RORB: variants seen among roughly 807,000 people sequenced by gnomAD.
RORB encodes nuclear receptor ROR-beta.
In RORB, 6 loss-of-function variants were observed where a neutral mutation model predicts 59.1. The ratio of observed to expected loss-of-function variants is 0.10; its 90% CI spans 0.06 to 0.20. The LOEUF (loss-of-function observed/expected upper bound fraction) is 0.20. RORB is among the 10% of genes least tolerant of loss of function. The pLI, the probability that RORB is intolerant of heterozygous loss-of-function variation, is 1.00. For synonymous variants in RORB, 215 were observed against 204.5 expected, an observed-to-expected ratio of 1.05 and a Z score of -0.44; for missense variants, 320 against 560.5, an observed-to-expected ratio of 0.57 and a Z score of 4.33.
chr9:74,667,937 A>G (rs577482639), intron 8 of RORB, 36 bp downstream of exon 8: 1 of 1,343,156 alleles, frequency 7.4e-7, no homozygotes, highest in South Asian at 1.2e-5. Context: ...TTTTTAAAAA[A>G]CTTGTTTTAC....
At position 74,561,215 on chromosome 9, in the gene RORB, G is replaced by C. The variant is rs932296377; in HGVS notation, c.7+63232G>C. 4.8e-4 allele frequency among the ~76,000 whole-genome samples: 73 copies of C among 152,048 alleles called. 3 individuals carry two copies. Among genetic ancestry groups the C allele is most frequent in the Non-Finnish European group, 5.9e-5 (4 of 67,994 alleles). On this transcript the variant is annotated intron_variant, in intron 1 of 9. Coordinates refer to ENST00000376896, the MANE Select transcript of RORB (RefSeq NM_006914.4). ...GTCTCTCCCCGAGATGTGAGGAATAGACTATTTCAGCTCATTAAATAATCA... is the reference window on the plus strand; with the variant it reads ...GTCTCTCCCCGAGATGTGAGGAATACACTATTTCAGCTCATTAAATAATCA...
intron 4 of RORB, among the ~76,000 whole-genome samples, chr9:74,649,720 C>T (rs1823962254): frequency 6.6e-6 from 1 of 152,166 alleles, no homozygotes; most frequent in Admixed American, 6.5e-5. Context: ...ATATGATTTA[C>T]ATCACAAACA....
chr9:74,572,798 T>C (rs982183489), intron 1 of RORB, among the ~76,000 whole-genome samples: 1 of 152,212 alleles, frequency 6.6e-6, no homozygotes, highest in Admixed American at 6.5e-5. Context: ...AGGTGTAACA[T>C]GACAATATAA....
chr9:74,657,820 G>A (rs1188680561), intron 4 of RORB, among the ~76,000 whole-genome samples: 6 of 151,828 alleles, frequency 4.0e-5, no homozygotes, highest in Non-Finnish European at 8.8e-5. Flanking sequence ...GCCTGGCCAA[G>A]GTGAGGAAAC....
At chr9:74,587,002 G>A (rs902620459) in intron 1 of RORB, among the ~76,000 whole-genome samples, 2 of 152,024 alleles carry the variant, frequency 1.3e-5, no homozygotes, top group Non-Finnish European at 2.9e-5. Context: ...GACATTAGCT[G>A]GTACTGCCTT....
chr9:74,660,781 A>G (rs747157421), intron 5 of RORB, 43 bp downstream of exon 5: 18 of 1,587,182 alleles, frequency 1.1e-5, no homozygotes, highest in Middle Eastern at 1.7e-4. Context: ...TGATTACCCT[A>G]TTGCTGTGTT....
chr9:74,579,029 T>G (rs1353281280), intron 1 of RORB, among the ~76,000 whole-genome samples: 2 of 152,162 alleles, frequency 1.3e-5, no homozygotes, highest in Non-Finnish European at 2.9e-5. Context: ...AACGAACTAG[T>G]GTTTATACTC....
chr9:74,613,123 T>C (rs1823257434), intron 1 of RORB, among the ~76,000 whole-genome samples: 1 of 152,130 alleles, frequency 6.6e-6, no homozygotes, highest in South Asian at 2.1e-4. Context: ...AAAATGCATA[T>C]CTCCACGATG....
At chr9:74,658,197 G>A (rs1200816583) in intron 4 of RORB, among the ~76,000 whole-genome samples, 1 of 152,010 alleles carries the variant, frequency 6.6e-6, no homozygotes, top group East Asian at 1.9e-4. Context: ...GACAAACAGA[G>A]GGATTCAAAT....
At chr9:74,538,661 T>G (rs555849851) in intron 1 of RORB, among the ~76,000 whole-genome samples, 17 of 151,598 alleles carry the variant, frequency 1.1e-4, no homozygotes, top group African/African-American at 3.6e-4. Flanking sequence ...TGTGCATGTA[T>G]GTACAGATTA....
intron 1 of RORB, among the ~76,000 whole-genome samples, chr9:74,612,574 C>T (rs950208543): frequency 6.6e-6 from 1 of 152,190 alleles, no homozygotes; most frequent in Non-Finnish European, 1.5e-5. Flanking sequence ...GACAAGCATA[C>T]TCTGTGCTAT....
At chr9:74,524,206 T>C (rs1002115645) in intron 1 of RORB, among the ~76,000 whole-genome samples, 9 of 151,644 alleles carry the variant, frequency 5.9e-5, no homozygotes, top group African/African-American at 7.3e-5. Flanking sequence ...ACTTAGTTTG[T>C]CCTGGATGGC....
intron 1 of RORB, among the ~76,000 whole-genome samples, chr9:74,503,138 G>A (rs75794745): frequency 1.3e-5 from 2 of 151,966 alleles, no homozygotes; most frequent in Non-Finnish European, 2.9e-5. Context: ...TAGAAATCAA[G>A]CTGACTAATG....
intron 1 of RORB, among the ~76,000 whole-genome samples, chr9:74,555,160 C>T (rs1936090761): frequency 6.6e-6 from 1 of 152,214 alleles, no homozygotes. Context: ...GCCTGGCTGG[C>T]CTCTTATGTA....
intron 1 of RORB, among the ~76,000 whole-genome samples, chr9:74,602,177 C>A (rs6560403): frequency 0.045 from 6,795 of 152,206 alleles, 518 homozygotes; most frequent in African/African-American, 0.15. Context: ...TCTCCCCAAG[C>A]CAAATAAAAT....
chr9:74,642,360 G>A, intron 3 of RORB, 54 bp from the exon 4 acceptor site: 1 of 1,541,082 alleles, frequency 6.5e-7, no homozygotes, highest in Non-Finnish European at 8.8e-7. Context: ...ACCTGAGGTG[G>A]TTAACGCGAA....
chr9:74,642,031 G>T (rs1428019676), intron 3 of RORB, among the ~76,000 whole-genome samples: 1 of 152,160 alleles, frequency 6.6e-6, no homozygotes, highest in East Asian at 1.9e-4. Context: ...AGAAAAGTTA[G>T]TTATGAGTGT....
At chr9:74,542,678 C>T (rs911559887) in intron 1 of RORB, among the ~76,000 whole-genome samples, 9 of 152,154 alleles carry the variant, frequency 5.9e-5, no homozygotes, top group African/African-American at 2.2e-4. Flanking sequence ...TCCTGCTTAT[C>T]CAATATCTTT....
chr9:74,600,317 C>CA (rs1563948953), intron 1 of RORB, among the ~76,000 whole-genome samples: 1 of 152,278 alleles, frequency 6.6e-6, no homozygotes, highest in South Asian at 2.1e-4. Context: ...CTAGACAGAC[C>CA]AAAAATATTT....
Sources: allele counts gnomAD v4.1 joint callset (sites outside exome capture counted in the v4.1 genomes callset), GRCh38; gene constraint gnomAD v4.1.1; transcripts MANE v1.5; gene names NCBI Gene and HGNC (gene_info 2026-07-23, HGNC 2026-07-21).